HAUS4: variants seen among roughly 807,000 people sequenced by gnomAD.
The protein encoded by HAUS4 is HAUS augmin-like complex subunit 4.
In HAUS4, 34 loss-of-function variants were observed where a neutral mutation model predicts 50.6. The observed-to-expected ratio is 0.67, with a 90% CI of 0.51 to 0.90. The LOEUF (loss-of-function observed/expected upper bound fraction) is 0.90, where lower values mean the gene tolerates loss of function less well. HAUS4 is among the 40% of genes least tolerant of loss of function. HAUS4 has a pLI of 0.00. For synonymous variants in HAUS4, 149 were observed against 161.4 expected (o/e 0.92, Z 0.58); for missense variants, 370 against 428.7 (o/e 0.86, Z 1.21).
At chr14:22,956,711 T>C (rs997792258) in intron 1 of HAUS4, 2 of 152,310 alleles carry the variant, frequency 1.3e-5, no homozygotes, top group Admixed American at 1.3e-4. Context: ...GTTAAATTGA[T>C]TTTACAGGTT....
chr14:22,953,526 A>G (rs185706521), intron 2 of HAUS4, among the ~76,000 whole-genome samples: 1 of 152,144 alleles, frequency 6.6e-6, no homozygotes, highest in East Asian at 1.9e-4. Context: ...GCTCACTGCA[A>G]TTTCCACCTC....
At chr14:22,947,061 G>A (rs2044656708) in intron 9 of HAUS4, 110 bp downstream of exon 9, 2 of 768,156 alleles carry the variant, frequency 2.6e-6, no homozygotes, top group South Asian at 3.0e-5. Flanking sequence ...TGGGATTACA[G>A]GTGTGAGCCA....
chr14:22,947,376 G>T (rs74039806), intron 8 of HAUS4, 137 bp from the exon 9 acceptor site: 1 of 745,626 alleles, frequency 1.3e-6, no homozygotes, highest in Non-Finnish European at 2.3e-6. Context: ...CTGAATTCCC[G>T]AGCAATTGAT....
At position 22,946,611 on chromosome 14, in the gene HAUS4, T is replaced by C. The variant is rs377667124; in HGVS notation, c.1006A>G (p.Arg336Gly). The change falls in exon 10 of 10, where the codon AGG becomes GGG. Residue 336 changes from arginine to glycine, a missense_variant. By Grantham distance (125) the Arg-to-Gly change is moderately radical (BLOSUM62 -2). Transcript: ENST00000541587. Reference sequence around the variant, plus strand: ...AGTACGGTGTACTCTTTCACCAGCCTGTCAAACTCCTCCCCAAGGACCTCA... The same window carrying C: ...AGTACGGTGTACTCTTTCACCAGCCCGTCAAACTCCTCCCCAAGGACCTCA... The part of the protein sequence containing the change: ...SYEVLGEEFD[R>G]LVKEYTVLKQ... The C allele has an allele frequency of 6.8e-6, 11 of 1,613,852 alleles. No homozygotes were observed. Among genetic ancestry groups the C allele is most frequent in the South Asian group, 4.4e-5 (4 of 91,074 alleles).
At chr14:22,952,262 C>T in intron 4 of HAUS4, 66 bp downstream of exon 4, 1 of 1,343,428 alleles carries the variant, frequency 7.4e-7, no homozygotes, top group Non-Finnish European at 1.1e-6. Flanking sequence ...AAGTGATCAG[C>T]CTGCCTGGGG....
intron 7 of HAUS4, 32 bp downstream of exon 7, chr14:22,947,836 A>T (rs190368710): frequency 6.8e-5 from 109 of 1,611,428 alleles, no homozygotes; most frequent in Non-Finnish European, 8.9e-5. Flanking sequence ...GGTCAGGATA[A>T]AGGAAAGGGG....
At chr14:22,953,680 G>A (rs897666188) in intron 2 of HAUS4, among the ~76,000 whole-genome samples, 6 of 151,758 alleles carry the variant, frequency 4.0e-5, no homozygotes, top group Admixed American at 6.6e-5. Context: ...GAGTGCAATG[G>A]CACGATCTCG....
At chr14:22,952,206 C>CG (rs1447543969) in intron 4 of HAUS4, 122 bp downstream of exon 4, 9 of 728,206 alleles carry the variant, frequency 1.2e-5, no homozygotes, top group Middle Eastern at 4.0e-4. Flanking sequence ...TTAGTAGAGA[C>CG]GGGGTCTTAC....
At chr14:22,953,309 AT>A (rs111896525) in intron 2 of HAUS4, among the ~76,000 whole-genome samples, 193 of 148,442 alleles carry the variant, frequency 1.3e-3, no homozygotes, top group Non-Finnish European at 2.1e-3. Flanking sequence ...TGACTGGCTA[AT>A]TTTTTTTTTA....
intron 4 of HAUS4, 111 bp downstream of exon 4, chr14:22,952,217 C>T: frequency 1.3e-6 from 1 of 799,988 alleles, no homozygotes; most frequent in Non-Finnish European, 2.0e-6. Context: ...GGGGTCTTAC[C>T]ATGTTGGCCA....
At chr14:22,946,768 CA>C in intron 9 of HAUS4, 60 bp from the exon 10 acceptor site, 1 of 812,312 alleles carries the variant, frequency 1.2e-6, no homozygotes. Context: ...AAGTAGTGGA[CA>C]AAAATGAAAA....
In HAUS4 at chr14:22,948,009, A is replaced by G; in HGVS notation, c.567T>C (p.Ala189=). ...LLCYYDPNSD[A]DSETVKAAKV... ...TTGCTGCCTTCACGGTTTCACTGTC[A>G]GCATCTGAGCAAAGGGGCAGAGGAC... Residue 189 remains alanine, a synonymous_variant, in exon 7 of 10, where the codon GCT becomes GCC. Coordinates refer to ENST00000541587, the MANE Select transcript of HAUS4 (RefSeq NM_001166269.2). 1 of 1,608,036 alleles carries G rather than the reference A, an allele frequency of 6.2e-7. No homozygotes were observed. Among genetic ancestry groups the G allele is most frequent in the African/African-American group, 1.3e-5 (1 of 74,846 alleles).
In HAUS4 at chr14:22,952,521, T is replaced by C. The variant is rs769696153; in HGVS notation, c.198+20A>G. On this transcript the variant is annotated intron_variant, in intron 3 of 9. Coordinates refer to ENST00000541587, the MANE Select transcript of HAUS4 (RefSeq NM_001166269.2). ...CTCAGGATTTTCCCTTCTTCTTATC[T>C]CTTCTCCCAAAGCCCTTACCTGAGC... The C allele has an allele frequency of 6.2e-7, 1 of 1,612,918 alleles. No homozygotes were observed. The highest frequency in any genetic ancestry group is 1.1e-5 in the South Asian group (1 of 91,020).
chr14:22,952,006 C>CT (rs2044762154), intron 4 of HAUS4, among the ~76,000 whole-genome samples: 1 of 151,738 alleles, frequency 6.6e-6, no homozygotes, highest in East Asian at 1.9e-4. Context: ...TAACCAACCC[C>CT]ACCTCATTTC....
chr14:22,955,495 C>T (rs957689458), intron 1 of HAUS4: 9 of 229,760 alleles, frequency 3.9e-5, no homozygotes, highest in Admixed American at 2.2e-4. Context: ...TTCTCCACCA[C>T]CACCACCATT....
chr14:22,951,516 A>T (rs944133623), intron 5 of HAUS4, 39 bp downstream of exon 5: 1 of 1,607,064 alleles, frequency 6.2e-7, no homozygotes, highest in Admixed American at 1.7e-5. Context: ...GAGAAATTAA[A>T]CCATTTCATT....
At chr14:22,950,547 A>T in intron 5 of HAUS4, 137 bp from the exon 6 acceptor site, 1 of 585,082 alleles carries the variant, frequency 1.7e-6, no homozygotes, top group Non-Finnish European at 3.1e-6. Context: ...CTCATTTTTC[A>T]CCTATCAAAT....
In HAUS4 at chr14:22,946,441, G is replaced by T; in HGVS notation, c.*84C>A. 1.9e-6 allele frequency: 2 copies of T among 1,078,490 alleles called. No individual in the cohort carries two copies. The highest frequency in any genetic ancestry group is 1.3e-6 in the Non-Finnish European group (1 of 741,368). The allele number at this position is 1,078,490 out of a possible 1,614,324, so 66.8% of individuals were successfully genotyped here. A position where few individuals can be genotyped will look rare whatever the true frequency, so the allele number is the denominator to read the frequency against. ...TCCACACTCCCTTGTACTGAAGGCA[G>T]CCCCAGGTGAAGGTGGTCCCACTAG... is the stretch of plus-strand genomic sequence containing the variant. On this transcript the variant is annotated 3_prime_UTR_variant, in exon 10 of 10. Coordinates refer to ENST00000541587, the MANE Select transcript of HAUS4 (RefSeq NM_001166269.2).
In HAUS4 at chr14:22,950,140, A is replaced by C. The variant is rs541552995; in HGVS notation, c.562+174T>G. Among the ~76,000 whole-genome samples the C allele has an allele frequency of 2.8e-3, 432 of 151,792 alleles. 1 individual carries two copies. Among genetic ancestry groups the C allele is most frequent in the Non-Finnish European group, 5.0e-3 (340 of 67,952 alleles). ...CAAAACGCCATCTCAAAAAAAAAAA[A>C]AAACAAAAAAACAAAAAGTCCTTGT... is the stretch of plus-strand genomic sequence containing the variant. On this transcript the variant is annotated intron_variant, in intron 6 of 9. Coordinates refer to ENST00000541587, the MANE Select transcript of HAUS4 (RefSeq NM_001166269.2).
Sources: allele counts gnomAD v4.1 joint callset (sites outside exome capture counted in the v4.1 genomes callset), GRCh38; gene constraint gnomAD v4.1.1; transcripts MANE v1.5; gene names NCBI Gene and HGNC (gene_info 2026-07-23, HGNC 2026-07-21).